The following GGACT variants were observed in gnomAD, a reference collection of about 807,000 sequenced individuals.
The protein encoded by GGACT is gamma-glutamylaminecyclotransferase.
For missense variants in GGACT, 241 were observed against 233.2 expected (o/e 1.03, Z -0.22); for synonymous variants, 118 against 115.3 (o/e 1.02, Z -0.15).
intron 2 of GGACT, among the ~76,000 whole-genome samples, chr13:100,561,013 C>G (rs1456040671): frequency 6.6e-6 from 1 of 152,176 alleles, no homozygotes; most frequent in Non-Finnish European, 1.5e-5. Context: ...GCCTCCTAGA[C>G]CACTCATCCA....
At chr13:100,542,668 A>G (rs2088565618) in intron 2 of GGACT, among the ~76,000 whole-genome samples, 1 of 152,174 alleles carries the variant, frequency 6.6e-6, no homozygotes. Context: ...TGGAAATCCA[A>G]GAGGCCAAAG....
At chr13:100,552,399 C>A (rs1566533165) in intron 2 of GGACT, among the ~76,000 whole-genome samples, 1 of 152,160 alleles carries the variant, frequency 6.6e-6, no homozygotes, top group African/African-American at 2.4e-5. Flanking sequence ...ACGCCACCCC[C>A]CAACATACTC....
At chr13:100,540,119 T>C (rs1207247595) in intron 2 of GGACT, 1 of 1,583,374 alleles carries the variant, frequency 6.3e-7, no homozygotes, top group Non-Finnish European at 8.6e-7. Context: ...GCCTCCACTA[T>C]GTTTCGAATG....
At chr13:100,570,807 A>T (rs1023204663) in intron 2 of GGACT, among the ~76,000 whole-genome samples, 4 of 152,126 alleles carry the variant, frequency 2.6e-5, no homozygotes, top group African/African-American at 4.8e-5. Flanking sequence ...AATACAGTAA[A>T]TTTGTACCAC....
chr13:100,573,718 C>T (rs1305812161), intron 2 of GGACT, among the ~76,000 whole-genome samples: 1 of 151,870 alleles, frequency 6.6e-6, no homozygotes, highest in Non-Finnish European at 1.5e-5. Context: ...ACAAATAAAC[C>T]CATTAAAAAT....
chr13:100,573,177 C>T (rs1178914064), intron 2 of GGACT, among the ~76,000 whole-genome samples: 3 of 152,168 alleles, frequency 2.0e-5, no homozygotes, highest in Non-Finnish European at 4.4e-5. Context: ...GTCCACTGGA[C>T]TTAGCTCTCC....
chr13:100,576,606 G>A (rs1446755286), intron 2 of GGACT, among the ~76,000 whole-genome samples: 4 of 152,188 alleles, frequency 2.6e-5, no homozygotes, highest in African/African-American at 7.2e-5. Context: ...CGATAAGAAA[G>A]GACATACACA....
intron 2 of GGACT, among the ~76,000 whole-genome samples, chr13:100,543,520 C>T (rs1042063524): frequency 2.6e-5 from 4 of 152,090 alleles, no homozygotes; most frequent in Non-Finnish European, 5.9e-5. Context: ...CAGCTTCTAA[C>T]ATAAAAACCA....
intron 2 of GGACT, among the ~76,000 whole-genome samples, chr13:100,543,197 CTTTTTT>C (rs147710327): frequency 2.5e-3 from 172 of 69,886 alleles, no homozygotes; most frequent in East Asian, 0.022. Context: ...AAGACACCAG[CTTTTTT>C]TTTTTTTTTT....
chr13:100,552,787 C>T (rs2088676524), intron 2 of GGACT, among the ~76,000 whole-genome samples: 1 of 152,162 alleles, frequency 6.6e-6, no homozygotes, highest in Admixed American at 6.5e-5. Context: ...ACAGAAAAAG[C>T]AACAGTCCTT....
rs2088470803 is a variant in GGACT at position 100,534,965 on chromosome 13, C to G, written c.-10-2364G>C. Among the ~76,000 whole-genome samples, 1 of 152,254 alleles carries G rather than the reference C, an allele frequency of 6.6e-6. No individual in the cohort carries two copies. Among genetic ancestry groups the G allele is most frequent in the Non-Finnish European group, 1.5e-5 (1 of 68,036 alleles). Reference sequence around the variant, plus strand: ...AGGGCCTACTCAGTCTGTCACATCACTCTGTCTGGTTGTCGTTATAGCACA... The same window carrying G: ...AGGGCCTACTCAGTCTGTCACATCAGTCTGTCTGGTTGTCGTTATAGCACA... On this transcript the variant is annotated intron_variant, in intron 2 of 2. Transcript: ENST00000683975. This position sits in a 1 kb window ranked among gnomAD's most constrained non-coding sequence, Gnocchi z 4.9.
intron 2 of GGACT, among the ~76,000 whole-genome samples, chr13:100,544,633 A>G (rs2088588118): frequency 6.6e-6 from 1 of 152,238 alleles, no homozygotes; most frequent in Non-Finnish European, 1.5e-5. Flanking sequence ...CTGTGAAATC[A>G]AACGGACACT....
intron 2 of GGACT, among the ~76,000 whole-genome samples, chr13:100,557,158 T>C (rs1229577365): frequency 6.6e-6 from 1 of 152,256 alleles, no homozygotes; most frequent in Admixed American, 6.5e-5. Flanking sequence ...CCTAAAGTGC[T>C]GGGATTACAG....
intron 2 of GGACT, among the ~76,000 whole-genome samples, chr13:100,552,563 C>T (rs951842183): frequency 1.3e-5 from 2 of 152,184 alleles, no homozygotes; most frequent in African/African-American, 4.8e-5. Context: ...TGTTCCTGTG[C>T]AAGGGGCTGT....
intron 2 of GGACT, among the ~76,000 whole-genome samples, chr13:100,547,952 G>A (rs960968169): frequency 2.0e-5 from 3 of 152,394 alleles, no homozygotes; most frequent in Admixed American, 6.5e-5. Context: ...GGAAGACGGT[G>A]CAGCAATCAC....
chr13:100,587,631 C>T (rs536074710), intron 1 of GGACT, among the ~76,000 whole-genome samples: 2 of 152,156 alleles, frequency 1.3e-5, no homozygotes, highest in South Asian at 4.2e-4. Context: ...TACATAAGGA[C>T]ACCTACGTGT....
chr13:100,564,939 C>T (rs1169211713), intron 2 of GGACT, among the ~76,000 whole-genome samples: 3 of 152,202 alleles, frequency 2.0e-5, no homozygotes, highest in Admixed American at 1.3e-4. Context: ...CAGACCGCTA[C>T]TATTCCCAGG....
intron 2 of GGACT, chr13:100,538,886 T>G (rs2088523321): frequency 6.6e-6 from 1 of 152,246 alleles, no homozygotes; most frequent in Admixed American, 6.5e-5. Flanking sequence ...TATGTCCTCT[T>G]TAATTGCTTT....
In GGACT at chr13:100,588,739, AC is replaced by A. The variant is rs1235255100; in HGVS notation, c.-184+1del. 6.6e-6 allele frequency: 1 copy of A among 151,526 alleles called. No homozygotes were observed. 9.4% of individuals were successfully genotyped at this position (151,526 alleles called of 1,614,324 possible). ...GACCCCCGCCCGGGCTCAGCGCCTC[AC>A]CTGCCGGCAGCCGGGGCTGTCGGGG... On this transcript the variant is annotated splice_donor_variant, in intron 1 of 2. Coordinates refer to ENST00000683975, the MANE Select transcript of GGACT (RefSeq NM_001195087.2). LOFTEE classifies it low-confidence loss of function (5UTR_SPLICE).
Sources: allele counts gnomAD v4.1 joint callset (sites outside exome capture counted in the v4.1 genomes callset), GRCh38; gene constraint gnomAD v4.1.1; non-coding constraint Gnocchi (gnomAD v3.1); transcripts MANE v1.5; gene names NCBI Gene and HGNC (gene_info 2026-07-23, HGNC 2026-07-21).